Variants in TRAPPC9 observed in about 807,000 individuals in gnomAD.
The protein encoded by TRAPPC9 is IKK2 binding protein.
In TRAPPC9, 83 loss-of-function variants were observed where a neutral mutation model predicts 124.0. That is an observed-to-expected ratio of 0.67 (90% CI 0.56 to 0.80). The LOEUF is 0.80. Among genes scored for constraint, TRAPPC9 ranks in the 30% least tolerant of loss-of-function variants. The pLI, the probability that TRAPPC9 is intolerant of heterozygous loss-of-function variation, is 0.00. For missense variants in TRAPPC9, 1,302 were observed against 1,508.3 expected, an observed-to-expected ratio of 0.86 and a Z score of 2.27; for synonymous variants, 638 against 617.5, an observed-to-expected ratio of 1.03 and a Z score of -0.49.
At chr8:139,914,086 G>A (rs1181709279) in intron 19 of TRAPPC9, 2 of 152,452 alleles carry the variant, frequency 1.3e-5, no homozygotes, top group South Asian at 2.1e-4. Context: ...CTGGCCGGCT[G>A]CCCTGGTAGG....
intron 15 of TRAPPC9, among the ~76,000 whole-genome samples, chr8:140,263,457 C>A (rs2064501056): frequency 6.6e-6 from 1 of 152,048 alleles, no homozygotes; most frequent in African/African-American, 2.4e-5. Context: ...GAACGCTGGG[C>A]TAAGAAACTA....
At position 139,907,080 on chromosome 8, in the gene TRAPPC9, C is replaced by T. The variant is rs1471023340; in HGVS notation, c.2964+3067G>A. On this transcript the variant is annotated intron_variant, in intron 20 of 22. Coordinates refer to ENST00000438773, the MANE Select transcript of TRAPPC9 (RefSeq NM_001160372.4). The surrounding 1 kb of genome is among the most constrained non-coding windows in gnomAD (Gnocchi z 4.7). ...TGCAAGTGCCCATCTCTGTATCTGT[C>T]CCCTCCCCTTTGATGGGGGCATCTC... is the stretch of plus-strand genomic sequence containing the variant. 1.3e-5 allele frequency among the ~76,000 whole-genome samples: 2 copies of T among 152,212 alleles called. No individual in the cohort carries two copies. Among genetic ancestry groups the T allele is most frequent in the African/African-American group, 2.4e-5 (1 of 41,462 alleles).
At chr8:139,754,330 T>C (rs1175073184) in intron 21 of TRAPPC9, among the ~76,000 whole-genome samples, 1 of 152,168 alleles carries the variant, frequency 6.6e-6, no homozygotes, top group Non-Finnish European at 1.5e-5. Context: ...ACTAGTCAGT[T>C]TGTATCACCT....
At chr8:140,141,178 C>T (rs918859014) in intron 17 of TRAPPC9, among the ~76,000 whole-genome samples, 2 of 152,200 alleles carry the variant, frequency 1.3e-5, no homozygotes, top group Non-Finnish European at 2.9e-5. Context: ...TTCCCCTGTT[C>T]ACTTCCCATG....
chr8:139,771,929 C>T (rs147229921), intron 21 of TRAPPC9, among the ~76,000 whole-genome samples: 174 of 152,332 alleles, frequency 1.1e-3, no homozygotes, highest in African/African-American at 3.6e-3. Context: ...GAGAAGTCTC[C>T]GCCCAGCATG....
intron 21 of TRAPPC9, among the ~76,000 whole-genome samples, chr8:139,734,564 A>G (rs1385392125): frequency 6.6e-6 from 1 of 152,244 alleles, no homozygotes; most frequent in Non-Finnish European, 1.5e-5. Flanking sequence ...GCCCTCCAGG[A>G]AGGCTGGAGG....
At chr8:140,424,040 C>T (rs1337593149) in intron 5 of TRAPPC9, among the ~76,000 whole-genome samples, 1 of 152,020 alleles carries the variant, frequency 6.6e-6, no homozygotes, top group African/African-American at 2.4e-5. Context: ...TGAGAATGTC[C>T]TAAAACTGAT....
chr8:140,224,796 C>G (rs1418795474), intron 16 of TRAPPC9, among the ~76,000 whole-genome samples: 2 of 152,184 alleles, frequency 1.3e-5, no homozygotes, highest in Non-Finnish European at 2.9e-5. Context: ...AATGCCTCCC[C>G]TAGCTGTCCT....
intron 19 of TRAPPC9, among the ~76,000 whole-genome samples, chr8:139,928,359 G>A (rs1369827397): frequency 1.3e-5 from 2 of 152,290 alleles, no homozygotes; most frequent in East Asian, 1.9e-4. Context: ...GGGTGTGGTG[G>A]TGGGTGCCTG....
intron 21 of TRAPPC9, among the ~76,000 whole-genome samples, chr8:139,850,736 A>G (rs888603667): frequency 4.6e-5 from 7 of 152,086 alleles, no homozygotes; most frequent in African/African-American, 1.7e-4. Flanking sequence ...TCACCATCCA[A>G]TTGTCTACTA....
intron 17 of TRAPPC9, among the ~76,000 whole-genome samples, chr8:140,184,219 T>C (rs1367229787): frequency 3.9e-5 from 6 of 152,108 alleles, no homozygotes; most frequent in Non-Finnish European, 1.5e-5. Context: ...AAGTCTACAC[T>C]AGTCTAATTT....
At chr8:140,361,892 C>G (rs1203280266) in intron 8 of TRAPPC9, among the ~76,000 whole-genome samples, 1 of 152,170 alleles carries the variant, frequency 6.6e-6, no homozygotes, top group African/African-American at 2.4e-5. Context: ...TGCCTCCTCC[C>G]TAACGCAAAT....
At chr8:139,759,270 G>A (rs1052296835) in intron 21 of TRAPPC9, among the ~76,000 whole-genome samples, 4 of 152,190 alleles carry the variant, frequency 2.6e-5, no homozygotes, top group Admixed American at 1.3e-4. Flanking sequence ...AGGCAAAGCC[G>A]GAAGGGGCGG....
At chr8:140,140,618 C>G (rs932615416) in intron 17 of TRAPPC9, among the ~76,000 whole-genome samples, 1 of 152,178 alleles carries the variant, frequency 6.6e-6, no homozygotes, top group Non-Finnish European at 1.5e-5. Flanking sequence ...GAATTCCACC[C>G]ATAAATCCCT....
intron 17 of TRAPPC9, among the ~76,000 whole-genome samples, chr8:140,054,149 CAA>C (rs1459743045): frequency 1.3e-5 from 2 of 152,060 alleles, no homozygotes; most frequent in Admixed American, 1.3e-4. Context: ...AAGATGGAAA[CAA>C]GAGACACTGA....
intron 9 of TRAPPC9, among the ~76,000 whole-genome samples, chr8:140,333,683 G>T (rs111963193): frequency 0.016 from 2,422 of 152,312 alleles, 70 homozygotes; most frequent in African/African-American, 0.056. Flanking sequence ...AAGCCACCGC[G>T]CCTGGCCATA....
At chr8:139,790,436 C>T (rs761804287) in intron 21 of TRAPPC9, among the ~76,000 whole-genome samples, 2 of 152,162 alleles carry the variant, frequency 1.3e-5, no homozygotes, top group East Asian at 1.9e-4. Context: ...GTATGGGGTT[C>T]GGAGACCACA....
In TRAPPC9 at chr8:140,025,781, G is replaced by A. The variant is rs1231891844; in HGVS notation, c.2557-1702C>T. 3.9e-5 allele frequency among the ~76,000 whole-genome samples: 6 copies of A among 152,152 alleles called. No individual in the cohort carries two copies. In the East Asian group the frequency reaches 1.2e-3, roughly 29 times the overall value. ...GAGGCAACATGGCTTAGAATCGGAG[G>A]AAATGAGTTTTAGTCCCGTTTCTTC... On this transcript the variant is annotated intron_variant, in intron 17 of 22. Transcript: ENST00000438773.
intron 11 of TRAPPC9, among the ~76,000 whole-genome samples, chr8:140,298,967 C>T (rs1481847486): frequency 6.6e-6 from 1 of 152,182 alleles, no homozygotes; most frequent in Non-Finnish European, 1.5e-5. Flanking sequence ...ATCAATGGGC[C>T]AGTGTGGGTT....
Sources: gnomAD v4.1 joint callset for allele counts (sites outside exome capture counted in the v4.1 genomes callset) on GRCh38, gnomAD v4.1.1 for gene constraint, Gnocchi (gnomAD v3.1) non-coding constraint, MANE v1.5 for transcripts, NCBI Gene and HGNC (gene_info 2026-07-23, HGNC 2026-07-21) for gene names.